VOPP1: variants seen among roughly 807,000 people sequenced by gnomAD.
The protein encoded by VOPP1 is VOPP1 WW domain binding protein, also known as WW domain binding protein VOPP1.
VOPP1 carries 8 observed loss-of-function variants against 23.5 expected under a neutral mutation model. The observed-to-expected ratio is 0.34, with a 90% CI of 0.20 to 0.61. The LOEUF (loss-of-function observed/expected upper bound fraction) is 0.61. Ranked by LOEUF, VOPP1 falls within the 20% of genes least tolerant of loss-of-function variation. The pLI, the probability that VOPP1 is intolerant of heterozygous loss-of-function variation, is 0.78. For synonymous variants in VOPP1, 83 were observed against 97.3 expected, an observed-to-expected ratio of 0.85 and a Z score of 0.86; for missense variants, 174 against 238.1, an observed-to-expected ratio of 0.73 and a Z score of 1.77.
At chr7:55,565,883 G>C (rs1385049894) in intron 1 of VOPP1, among the ~76,000 whole-genome samples, 1 of 152,186 alleles carries the variant, frequency 6.6e-6, no homozygotes, top group Non-Finnish European at 1.5e-5. Context: ...TGCCAGTGGG[G>C]AGGACCTGGA....
At position 55,565,431 on chromosome 7, in the gene VOPP1, T is replaced by C. The variant is rs1798132219; in HGVS notation, c.54+6840A>G. On this transcript the variant is annotated intron_variant, in intron 1 of 4. Coordinates refer to ENST00000285279, the MANE Select transcript of VOPP1 (RefSeq NM_030796.5). ...CAACTCCACCCAGAATCTCTGTAAT[T>C]GACTCTGCTCTATTCAACATGTTTG... 2.0e-5 allele frequency among the ~76,000 whole-genome samples: 3 copies of C among 152,362 alleles called. No individual in the cohort carries two copies. In the South Asian group the frequency reaches 6.2e-4, roughly 32 times the overall value.
intron 1 of VOPP1, among the ~76,000 whole-genome samples, chr7:55,542,905 CTTTT>C (rs553803447): frequency 2.0e-5 from 3 of 151,768 alleles, no homozygotes; most frequent in African/African-American, 7.3e-5. Flanking sequence ...TTTCATTCTT[CTTTT>C]TTGTTTTTTT....
chr7:55,475,507 G>A (rs1175502869), intron 4 of VOPP1, among the ~76,000 whole-genome samples: 4 of 152,180 alleles, frequency 2.6e-5, no homozygotes, highest in Non-Finnish European at 4.4e-5. Context: ...GGAGCAGTGC[G>A]TTACAGTCAC....
At chr7:55,543,487 A>G (rs1487177705) in intron 1 of VOPP1, among the ~76,000 whole-genome samples, 1 of 152,194 alleles carries the variant, frequency 6.6e-6, no homozygotes, top group Non-Finnish European at 1.5e-5. Flanking sequence ...TTTTCTGAAG[A>G]GCCTCCATAC....
At chr7:55,510,196 T>C (rs1342252220) in intron 2 of VOPP1, among the ~76,000 whole-genome samples, 2 of 152,266 alleles carry the variant, frequency 1.3e-5, no homozygotes, top group Admixed American at 6.5e-5. Context: ...TATGTCTACC[T>C]GTAAGTGTGC....
In VOPP1 at chr7:55,473,929, A is replaced by C. The variant is rs115509601; in HGVS notation, c.329-884T>G. ...GTAGGGTTTTTTTTCTTTTTTTGCA[A>C]TTCTCCCCCTGACACAGTGTGATAT... On this transcript the variant is annotated intron_variant, in intron 4 of 4. Transcript: ENST00000285279. 3.2e-3 allele frequency among the ~76,000 whole-genome samples: 482 copies of C among 151,932 alleles called. 4 individuals carry two copies. The highest frequency in any genetic ancestry group is 0.011 in the African/African-American group (435 of 41,418).
intron 4 of VOPP1, among the ~76,000 whole-genome samples, chr7:55,462,516 GCTCT>G (rs1210592668): frequency 1.3e-5 from 2 of 151,912 alleles, no homozygotes; most frequent in Non-Finnish European, 2.9e-5. Flanking sequence ...TGTCTCATAG[GCTCT>G]CTCTTTTGTT....
At chr7:55,537,392 C>A in intron 1 of VOPP1, 1 of 1,439,002 alleles carries the variant, frequency 6.9e-7, no homozygotes, top group Non-Finnish European at 9.4e-7. Context: ...CGTGCTCCAG[C>A]CTTCTGGAGG....
At chr7:55,476,089 C>A (rs1792224044) in intron 4 of VOPP1, among the ~76,000 whole-genome samples, 1 of 152,170 alleles carries the variant, frequency 6.6e-6, no homozygotes, top group Non-Finnish European at 1.5e-5. Flanking sequence ...GGGGGCATCA[C>A]GGGCCCGTGT....
rs1562640920 is a variant in VOPP1, at chr7:55,572,445, G to C, written c.-121C>G. The C allele has an allele frequency of 3.0e-6, 2 of 666,460 alleles. No individual in the cohort carries two copies. Among genetic ancestry groups the C allele is most frequent in the Non-Finnish European group, 3.8e-6 (2 of 530,586 alleles). The allele number at this position is 666,460 out of a possible 1,614,324, so 41.3% of individuals were successfully genotyped here. On this transcript the variant is annotated 5_prime_UTR_variant, in exon 1 of 5. Coordinates refer to ENST00000285279, the MANE Select transcript of VOPP1 (RefSeq NM_030796.5). ...GGGAGCCGTCCCGCCGACCGCTGGG[G>C]GGCCCGGCTGGGAGCGGGCGGGAGC... is the stretch of plus-strand genomic sequence containing the variant.
intron 1 of VOPP1, among the ~76,000 whole-genome samples, chr7:55,523,026 GCA>G (rs1033298237): frequency 6.6e-6 from 1 of 152,152 alleles, no homozygotes; most frequent in African/African-American, 2.4e-5. Flanking sequence ...ACAAATTAAG[GCA>G]CCAGGGCCCT....
chr7:55,507,518 T>C (rs1794810274), intron 2 of VOPP1, among the ~76,000 whole-genome samples: 1 of 152,230 alleles, frequency 6.6e-6, no homozygotes, highest in Non-Finnish European at 1.5e-5. Context: ...ACCACCACAA[T>C]GAAAGTCTAG....
At chr7:55,435,992 C>T (rs780896149), downstream of VOPP1, 3 of 152,320 alleles carry the variant, frequency 2.0e-5, no homozygotes, top group Admixed American at 2.0e-4. Context: ...AGAAGGACCC[C>T]GGAGTGTTCC....
chr7:55,547,988 G>A (rs758761792), intron 1 of VOPP1, among the ~76,000 whole-genome samples: 1 of 152,066 alleles, frequency 6.6e-6, no homozygotes, highest in Non-Finnish European at 1.5e-5. Context: ...CCCTCCAAGG[G>A]CTTTCTAAAA....
chr7:55,491,401 G>A (rs1195884441), intron 4 of VOPP1, among the ~76,000 whole-genome samples: 4 of 152,224 alleles, frequency 2.6e-5, no homozygotes, highest in Admixed American at 6.5e-5. Context: ...CCTATCCACA[G>A]TGTGCAATCA....
chr7:55,543,223 T>C (rs147641717), intron 1 of VOPP1, among the ~76,000 whole-genome samples: 1,671 of 152,338 alleles, frequency 0.011, 11 homozygotes, highest in Middle Eastern at 0.02. Context: ...CCTAGGATTT[T>C]ATTCTTTATT....
Position 55,471,016 on chromosome 7 carries a change from T to A in VOPP1, c.*1839A>T, listed in dbSNP as rs545230178. 6.6e-6 allele frequency: 1 copy of A among 152,500 alleles called. No homozygotes were observed. The highest frequency in any genetic ancestry group is 2.1e-4 in the South Asian group (1 of 4,810). 9.4% of individuals were successfully genotyped at this position (152,500 alleles called of 1,614,324 possible). On this transcript the variant is annotated 3_prime_UTR_variant, in exon 5 of 5. Transcript: ENST00000285279. ...TATCAAAAAGACAAACGAAATTTAGTCACGGACTTTTGGGTGCCTATTCAG... is the reference window on the plus strand; with the variant it reads ...TATCAAAAAGACAAACGAAATTTAGACACGGACTTTTGGGTGCCTATTCAG...
At position 55,465,572 on chromosome 7, in the gene VOPP1, C is replaced by T. The variant is rs534897250; in HGVS notation, n.417+26710G>A. 9.2e-5 allele frequency among the ~76,000 whole-genome samples: 14 copies of T among 152,364 alleles called. 2 individuals are homozygous for T. The South Asian group carries it at 2.9e-3, about 32-fold the overall frequency. ...AAGCTTGGGTGGGAGCTTATTTCTT[C>T]TCCCACTGTGCTTCAACTTCTCAAG... On this transcript the variant is annotated intron_variant and non_coding_transcript_variant, in intron 4 of 4. Coordinates refer to the VOPP1 transcript ENST00000462326.
intron 1 of VOPP1, among the ~76,000 whole-genome samples, chr7:55,564,243 G>GTCTCTCTCTCTGTCTCTCTCTCTCTC (rs1554302404): frequency 2.6e-4 from 33 of 125,896 alleles, no homozygotes; most frequent in Non-Finnish European, 4.8e-4. Context: ...CTCTGTCTCT[G>GTCTCTCTCTCTGTCTCTCTCTCTCTC]TCTCTCTCTC....
Sources: gnomAD v4.1 joint callset for allele counts (sites outside exome capture counted in the v4.1 genomes callset) on GRCh38, gnomAD v4.1.1 for gene constraint, MANE v1.5 for transcripts, NCBI Gene and HGNC (gene_info 2026-07-23, HGNC 2026-07-21) for gene names.